SLC25A53: variants seen among roughly 807,000 people sequenced by gnomAD.
SLC25A53 encodes solute carrier family 25 member 53, also known as mitochondrial carrier triple repeat protein 6.
SLC25A53 carries 5 observed loss-of-function variants against 15.0 expected under a neutral mutation model. That is an observed-to-expected ratio of 0.33 (90% CI 0.17 to 0.70). The LOEUF (loss-of-function observed/expected upper bound fraction) is 0.70. Ranked by LOEUF, SLC25A53 falls within the 30% of genes least tolerant of loss-of-function variation. The pLI is 0.67. For synonymous variants in SLC25A53, 95 were observed against 100.0 expected (o/e 0.95, Z 0.30); for missense variants, 216 against 241.6 (o/e 0.89, Z 0.70).
chrX:104,130,201 C>T (rs2075422351), intron 1 of SLC25A53, among the ~76,000 whole-genome samples: 1 of 111,074 alleles, frequency 9.0e-6, no homozygotes, highest in Non-Finnish European at 1.9e-5. Context: ...CCTGCTATAA[C>T]AGGGACAGTG....
intron 1 of SLC25A53, among the ~76,000 whole-genome samples, chrX:104,148,700 G>A (rs1556369782): frequency 9.0e-6 from 1 of 110,971 alleles, no homozygotes; most frequent in African/African-American, 3.3e-5. Flanking sequence ...GGAGGACGGG[G>A]GAGGGATAGC....
intron 1 of SLC25A53, among the ~76,000 whole-genome samples, chrX:104,123,081 A>G (rs782058534): frequency 2.7e-5 from 3 of 112,370 alleles, no homozygotes; most frequent in African/African-American, 9.7e-5. Flanking sequence ...CTACTGTGCC[A>G]TAGAATGCCA....
intron 1 of SLC25A53, chrX:104,115,274 G>A: frequency 2.5e-6 from 3 of 1,185,458 alleles, no homozygotes; most frequent in Non-Finnish European, 3.4e-6. Flanking sequence ...ACAGAGGAGA[G>A]GTCAAAAGAG....
At position 104,099,505 on chromosome X, in the gene SLC25A53, T is replaced by C. The variant is rs1454170849; in HGVS notation, c.*4829A>G. On this transcript the variant is annotated 3_prime_UTR_variant, in exon 2 of 2. Coordinates refer to ENST00000594199, the MANE Select transcript of SLC25A53 (RefSeq NM_001012755.5). ...ATGGTATATTTATACAATGGTAAAC[T>C]GTACAACAATAAAAATGGATCAACT... 1 of 112,102 alleles carries C rather than the reference T, an allele frequency of 8.9e-6. No individual in the cohort carries two copies. Among genetic ancestry groups the C allele is most frequent in the Non-Finnish European group, 1.9e-5 (1 of 53,258 alleles). The allele number at this position is 112,102 out of a possible 1,213,427, so 9.2% of individuals were successfully genotyped here.
intron 1 of SLC25A53, among the ~76,000 whole-genome samples, chrX:104,119,259 A>G: frequency 8.9e-6 from 1 of 112,502 alleles, no homozygotes; most frequent in South Asian, 3.7e-4. Flanking sequence ...CTTTAATCGT[A>G]TATTTTGTTA....
In SLC25A53 at chrX:104,118,422, T is replaced by C. The variant is rs186896711; in HGVS notation, c.-31-13134A>G. Among the ~76,000 whole-genome samples, 23 of 112,283 alleles carry C rather than the reference T, an allele frequency of 2.0e-4. No individual in the cohort carries two copies. The East Asian group carries it at 6.4e-3, about 31-fold the overall frequency. On this transcript the variant is annotated intron_variant, in intron 1 of 1. Coordinates refer to ENST00000594199, the MANE Select transcript of SLC25A53 (RefSeq NM_001012755.5). ...TCAGTGTCTTTTGCCGAATATTCTTTCCCTTCCTGATCCTTCCACAATAGC... is the reference window on the plus strand; with the variant it reads ...TCAGTGTCTTTTGCCGAATATTCTTCCCCTTCCTGATCCTTCCACAATAGC...
At chrX:104,133,019 A>G (rs890317417) in intron 1 of SLC25A53, among the ~76,000 whole-genome samples, 2 of 112,237 alleles carry the variant, frequency 1.8e-5, no homozygotes, top group South Asian at 7.3e-4. Flanking sequence ...GCTGCCTGCC[A>G]TGAGGGAGAC....
intron 1 of SLC25A53, among the ~76,000 whole-genome samples, chrX:104,147,145 G>A (rs1449044663): frequency 9.0e-6 from 1 of 111,101 alleles, no homozygotes; most frequent in African/African-American, 3.3e-5. Flanking sequence ...CAGAAATAAC[G>A]CCGCATATCT....
At chrX:104,133,098 G>C (rs1169113807) in intron 1 of SLC25A53, among the ~76,000 whole-genome samples, 1 of 112,286 alleles carries the variant, frequency 8.9e-6, no homozygotes, top group South Asian at 3.7e-4. Flanking sequence ...TTTTCAGAGG[G>C]ATATAATGGA....
Position 104,099,479 on chromosome X carries a change from C to A in SLC25A53, c.*4855G>T, listed in dbSNP as rs2075272432. On this transcript the variant is annotated 3_prime_UTR_variant, in exon 2 of 2. Transcript: ENST00000594199. ...TTCCTCAAAGTTATCATGAATAAATCATGGTATATTTATACAATGGTAAAC... is the reference window on the plus strand; with the variant it reads ...TTCCTCAAAGTTATCATGAATAAATAATGGTATATTTATACAATGGTAAAC... 8.9e-6 allele frequency: 1 copy of A among 111,805 alleles called. No individual in the cohort carries two copies. Among genetic ancestry groups the A allele is most frequent in the African/African-American group, 3.3e-5 (1 of 30,751 alleles). The allele number at this position is 111,805 out of a possible 1,213,427, so 9.2% of individuals were successfully genotyped here. A position where few individuals can be genotyped will look rare whatever the true frequency, so the allele number is the denominator to read the frequency against.
Position 104,104,616 on chromosome X carries a change from G to A in SLC25A53, c.642C>T (p.Ala214=), listed in dbSNP as rs1556354749. Residue 214 remains alanine (A), a synonymous_variant, in exon 2 of 2, where the codon GCC becomes GCT. Coordinates refer to ENST00000594199, the MANE Select transcript of SLC25A53 (RefSeq NM_001012755.5). ...AEQGLPHWVP[A]LVSGSVNGTI... Reference sequence around the variant, plus strand: ...TTCCATTGACACTACCAGACACCAAGGCAGGAACCCAGTGGGGCAGGCCTT... The same window carrying A: ...TTCCATTGACACTACCAGACACCAAAGCAGGAACCCAGTGGGGCAGGCCTT... 1 of 1,211,841 alleles carries A rather than the reference G, an allele frequency of 8.3e-7. No homozygotes were observed. The highest frequency in any genetic ancestry group is 1.1e-6 in the Non-Finnish European group (1 of 895,533).
At chrX:104,107,214 T>G (rs1556356500) in intron 1 of SLC25A53, among the ~76,000 whole-genome samples, 1 of 111,043 alleles carries the variant, frequency 9.0e-6, no homozygotes, top group Non-Finnish European at 1.9e-5. Context: ...ACCACGCCCC[T>G]CCCCTGGAGC....
At chrX:104,114,201 G>A (rs782705545) in intron 1 of SLC25A53, 3 of 1,208,717 alleles carry the variant, frequency 2.5e-6, no homozygotes, top group Non-Finnish European at 2.2e-6. Context: ...GGTCTCTGGG[G>A]AGGAGTCTCT....
Position 104,100,210 on chromosome X carries a change from GTTA to G in SLC25A53, c.*4121_*4123del, listed in dbSNP as rs1226406914. On this transcript the variant is annotated 3_prime_UTR_variant, in exon 2 of 2. Transcript: ENST00000594199. ...ACCATATAATGATTTGTCATAAAAC[GTTA>G]TTATTTCAACTTGAGCTTTATAAAA... 2.7e-5 allele frequency: 3 copies of G among 111,352 alleles called. No homozygotes were observed. Among genetic ancestry groups the G allele is most frequent in the African/African-American group, 9.8e-5 (3 of 30,643 alleles). The allele number at this position is 111,352 out of a possible 1,213,427, so 9.2% of individuals were successfully genotyped here. A position where few individuals can be genotyped will look rare whatever the true frequency, so the allele number is the denominator to read the frequency against.
Position 104,105,163 on chromosome X carries a change from G to T in SLC25A53, c.95C>A (p.Ala32Asp), listed in dbSNP as rs782465550. 1.2e-5 allele frequency: 15 copies of T among 1,210,831 alleles called. No homozygotes were observed. Reference sequence around the variant, plus strand: ...CATAAAGTTGGAAACGGCCCCAAGGGCATAGGCCTGGGAATGCCAGCTTTT... The same window carrying T: ...CATAAAGTTGGAAACGGCCCCAAGGTCATAGGCCTGGGAATGCCAGCTTTT... ...GKKSWHSQAY[A>D]LGAVSNFMST... is the part of the protein sequence containing the mutation. The change falls in exon 2 of 2, where the codon GCC becomes GAC. Residue 32 changes from alanine (A) to aspartate (D), a missense_variant. Coordinates refer to ENST00000594199, the MANE Select transcript of SLC25A53 (RefSeq NM_001012755.5).
chrX:104,145,052 T>C (rs2075462180), intron 1 of SLC25A53, among the ~76,000 whole-genome samples: 1 of 111,896 alleles, frequency 8.9e-6, no homozygotes, highest in South Asian at 3.7e-4. Flanking sequence ...ATTGACCACA[T>C]AGTTGGAAGT....
chrX:104,118,237 C>G (rs983986850), intron 1 of SLC25A53, among the ~76,000 whole-genome samples: 2 of 111,832 alleles, frequency 1.8e-5, no homozygotes, highest in Non-Finnish European at 3.8e-5. Context: ...TCTCATTAGT[C>G]GCCAAGAGAT....
intron 1 of SLC25A53, among the ~76,000 whole-genome samples, chrX:104,146,194 A>G (rs1556368830): frequency 8.9e-6 from 1 of 111,884 alleles, no homozygotes; most frequent in Non-Finnish European, 1.9e-5. Flanking sequence ...TGAACAGAAA[A>G]AACGACAAAA....
At chrX:104,129,860 A>ATGTGTG (rs60729916) in intron 1 of SLC25A53, among the ~76,000 whole-genome samples, 17,597 of 89,760 alleles carry the variant, frequency 0.2, 1,707 homozygotes, top group Middle Eastern at 0.36. Flanking sequence ...ACACAAATGT[A>ATGTGTG]TGTGTGTGTG....
Sources: allele counts gnomAD v4.1 joint callset (sites outside exome capture counted in the v4.1 genomes callset), GRCh38; gene constraint gnomAD v4.1.1; transcripts MANE v1.5; gene names NCBI Gene and HGNC (gene_info 2026-07-23, HGNC 2026-07-21).